The following CC2D2B variants were observed in gnomAD, a reference collection of about 807,000 sequenced individuals.
CC2D2B encodes protein CC2D2B.
Under a neutral mutation model 161.2 loss-of-function variants are expected in CC2D2B, and 128 were observed. The observed-to-expected ratio is 0.79, with a 90% confidence interval of 0.69 to 0.92. The LOEUF (loss-of-function observed/expected upper bound fraction) is 0.92, where lower values mean the gene tolerates loss of function less well. Ranked by LOEUF, CC2D2B falls within the 40% of genes least tolerant of loss-of-function variation. The probability of loss-of-function intolerance (pLI) is 0.00; values close to 1 mark genes in which losing one functional copy is unlikely to be tolerated. For missense variants in CC2D2B, 1,173 were observed against 1,375.1 expected (o/e 0.85, Z 2.32); for synonymous variants, 391 against 449.8 (o/e 0.87, Z 1.65).
intron 12 of CC2D2B, among the ~76,000 whole-genome samples, chr10:95,963,214 C>T (rs1401090797): frequency 6.6e-6 from 1 of 152,146 alleles, no homozygotes; most frequent in Non-Finnish European, 1.5e-5. Context: ...TTAAAAATAT[C>T]ATTCTGATCA....
Position 95,950,113 on chromosome 10 carries a change from T to C in CC2D2B, c.1011+8T>C, listed in dbSNP as rs2076348879. On this transcript the variant is annotated splice_region_variant and intron_variant, in intron 10 of 34. Coordinates refer to ENST00000646931, the MANE Select transcript of CC2D2B (RefSeq NM_001349008.3). ...CAGCTGCTTTATGAGAAGGTGAGAA[T>C]GGCTTTCATTATAAAGCTAAACATT... 1 of 398,638 alleles carries C rather than the reference T, an allele frequency of 2.5e-6. No homozygotes were observed. The highest frequency in any genetic ancestry group is 4.4e-5 in the Admixed American group (1 of 22,692). 24.7% of individuals were successfully genotyped at this position (398,638 alleles called of 1,614,324 possible).
In CC2D2B at chr10:95,972,185, G is replaced by C; in HGVS notation, c.1764G>C (p.Leu588=). ...ATGTAGAGTTTAGCTCTGATAAGCT[G>C]GTCATGCCTGCCGATGGAGAAGTAG... ...LQYVEFSSDK[L]VMPADGEVGS... is the part of the protein sequence containing the mutation. Residue 588 remains leucine, a synonymous_variant, in exon 16 of 35, where the codon CTG becomes CTC. Transcript: ENST00000646931. 8.1e-7 allele frequency: 1 copy of C among 1,231,980 alleles called. No individual in the cohort carries two copies. The highest frequency in any genetic ancestry group is 1.0e-6 in the Non-Finnish European group (1 of 987,860). The allele number at this position is 1,231,980 out of a possible 1,614,324, so 76.3% of individuals were successfully genotyped here.
intron 24 of CC2D2B, among the ~76,000 whole-genome samples, chr10:95,999,037 C>T (rs1171149870): frequency 2.0e-5 from 3 of 151,988 alleles, no homozygotes; most frequent in South Asian, 2.1e-4. Flanking sequence ...ACAGAGATCG[C>T]GCCACTGCAC....
At chr10:95,979,177 T>G (rs961923047) in intron 17 of CC2D2B, among the ~76,000 whole-genome samples, 7 of 151,872 alleles carry the variant, frequency 4.6e-5, no homozygotes, top group East Asian at 3.8e-4. Flanking sequence ...TTGGTGTTTT[T>G]TTTTTTTTTT....
chr10:96,029,276 A>ATC (rs1564689204), intron 34 of CC2D2B, among the ~76,000 whole-genome samples: 10 of 54,694 alleles, frequency 1.8e-4, no homozygotes, highest in Non-Finnish European at 1.8e-4. Context: ...ATATATATAT[A>ATC]TATATATATG....
chr10:95,956,807 A>C (rs1163775484), intron 11 of CC2D2B, among the ~76,000 whole-genome samples: 1 of 152,242 alleles, frequency 6.6e-6, no homozygotes. Flanking sequence ...TAGATTATTT[A>C]TAATACCCAC....
At chr10:95,939,870 G>T (rs140255103) in intron 9 of CC2D2B, among the ~76,000 whole-genome samples, 1 of 152,246 alleles carries the variant, frequency 6.6e-6, no homozygotes, top group East Asian at 1.9e-4. Context: ...ATTTCTGGAT[G>T]TGAGCCCTCA....
chr10:95,973,861 C>CAAA (rs576579109), intron 16 of CC2D2B, 148 bp from the exon 17 acceptor site: 26,538 of 231,300 alleles, frequency 0.11, 1,387 homozygotes, highest in African/African-American at 0.24. Flanking sequence ...AACTCTGTCT[C>CAAA]AAAAAAAAAA....
chr10:96,025,174 T>TAAA (rs1564683948), intron 33 of CC2D2B, among the ~76,000 whole-genome samples: 8 of 15,084 alleles, frequency 5.3e-4, no homozygotes, highest in Admixed American at 1.8e-3. Context: ...TATATATATA[T>TAAA]ATATATATAT....
chr10:95,924,694 T>C, intron 4 of CC2D2B, 85 bp from the exon 5 acceptor site: 2 of 847,234 alleles, frequency 2.4e-6, no homozygotes, highest in Non-Finnish European at 3.8e-6. Context: ...CATTGCAAAG[T>C]ATTGATATTT....
chr10:95,908,989 G>A (rs1457739335), intron 1 of CC2D2B, among the ~76,000 whole-genome samples: 1 of 152,024 alleles, frequency 6.6e-6, no homozygotes, highest in Non-Finnish European at 1.5e-5. Context: ...AGAGAAGTGG[G>A]CCCAAATCTT....
intron 6 of CC2D2B, among the ~76,000 whole-genome samples, chr10:95,927,706 C>CTTTTTT (rs200310434): frequency 7.0e-6 from 1 of 143,446 alleles, no homozygotes. Flanking sequence ...TTCTTTCTTT[C>CTTTTTT]TTTTTTTTTT....
intron 12 of CC2D2B, among the ~76,000 whole-genome samples, chr10:95,962,194 A>G (rs1207845977): frequency 1.3e-5 from 2 of 152,122 alleles, no homozygotes; most frequent in Admixed American, 1.3e-4. Flanking sequence ...CCAATTAAAC[A>G]TGGGGAAATG....
At chr10:95,950,343 A>G (rs1392541946) in intron 10 of CC2D2B, 11 of 310,802 alleles carry the variant, frequency 3.5e-5, no homozygotes. Context: ...TTGGTCCTAT[A>G]ACTCAAGAAG....
intron 22 of CC2D2B, among the ~76,000 whole-genome samples, chr10:95,993,855 G>T (rs550669976): frequency 0.029 from 3,002 of 101,822 alleles, 160 homozygotes; most frequent in African/African-American, 0.11. Flanking sequence ...TATATATAGA[G>T]AGAGAGAGAG....
At chr10:95,940,142 A>C (rs1459889842) in intron 9 of CC2D2B, among the ~76,000 whole-genome samples, 1 of 152,092 alleles carries the variant, frequency 6.6e-6, no homozygotes, top group Non-Finnish European at 1.5e-5. Context: ...CTAGAGTAGG[A>C]AGAAGAAAGA....
At chr10:96,019,652 G>C in intron 31 of CC2D2B, 50 bp from the exon 32 acceptor site, 1 of 1,505,004 alleles carries the variant, frequency 6.6e-7, no homozygotes, top group Non-Finnish European at 8.8e-7. Context: ...CCAACAATGG[G>C]CCTTGTGTTC....
At chr10:95,931,284 T>C (rs950699532) in intron 6 of CC2D2B, among the ~76,000 whole-genome samples, 77 of 152,174 alleles carry the variant, frequency 5.1e-4, no homozygotes, top group Non-Finnish European at 2.2e-4. Context: ...CTTTTCTTCT[T>C]TATTAGTCTG....
chr10:95,962,640 T>A (rs2076800443), intron 12 of CC2D2B, among the ~76,000 whole-genome samples: 1 of 152,136 alleles, frequency 6.6e-6, no homozygotes. Context: ...GGGAAATAAC[T>A]AATTTTCTCC....
Sources: allele counts gnomAD v4.1 joint callset (sites outside exome capture counted in the v4.1 genomes callset), GRCh38; gene constraint gnomAD v4.1.1; transcripts MANE v1.5; gene names NCBI Gene and HGNC (gene_info 2026-07-23, HGNC 2026-07-21).